The following CHFR variants were observed in gnomAD, a reference collection of about 807,000 sequenced individuals.
CHFR encodes the protein E3 ubiquitin-protein ligase CHFR.
Under a neutral mutation model 87.6 loss-of-function variants are expected in CHFR, and 57 were observed. The ratio of observed to expected loss-of-function variants is 0.65; its 90% CI spans 0.53 to 0.81. CHFR has a LOEUF of 0.81. CHFR is among the 30% of genes least tolerant of loss of function. The probability of loss-of-function intolerance (pLI) is 0.00; values close to 1 mark genes in which losing one functional copy is unlikely to be tolerated. For missense variants in CHFR, 797 were observed against 865.8 expected (o/e 0.92, Z 1.00); for synonymous variants, 381 against 359.2 (o/e 1.06, Z -0.69).
chr12:132,870,823 T>C (rs369102381), intron 4 of CHFR, 40 bp from the exon 5 acceptor site: 2 of 1,322,284 alleles, frequency 1.5e-6, no homozygotes, highest in African/African-American at 1.4e-5. Context: ...TGGTGGCCCC[T>C]GTGCAAACTG....
At position 132,882,739 on chromosome 12, in the gene CHFR, G is replaced by A. The variant is rs1015561947; in HGVS notation, c.133+4457C>T. ...TTTTTTCTTTGAGACAAGGCCTTGCGCTGTTACCCCAGCTGTGGTGCAGTG... is the reference window on the plus strand; with the variant it reads ...TTTTTTCTTTGAGACAAGGCCTTGCACTGTTACCCCAGCTGTGGTGCAGTG... On this transcript the variant is annotated intron_variant, in intron 2 of 17. Transcript: ENST00000450056. 1.4e-4 allele frequency among the ~76,000 whole-genome samples: 21 copies of A among 151,344 alleles called. 1 individual carries two copies. The South Asian group carries it at 3.1e-3, about 23-fold the overall frequency.
intron 15 of CHFR, among the ~76,000 whole-genome samples, chr12:132,844,579 C>T (rs919336435): frequency 1.3e-5 from 2 of 151,480 alleles, no homozygotes; most frequent in Admixed American, 6.6e-5. Context: ...CCACTGCGCC[C>T]GGCCACCAAT....
chr12:132,841,731 G>A (rs946956377), intron 17 of CHFR, 135 bp from the exon 18 acceptor site: 5 of 758,842 alleles, frequency 6.6e-6, no homozygotes, highest in Non-Finnish European at 1.2e-5. Context: ...ACCTGAGAAA[G>A]AGTGTGTGTG....
chr12:132,858,910 T>C (rs895279447), intron 8 of CHFR, among the ~76,000 whole-genome samples, 158 bp downstream of exon 8: 8 of 151,474 alleles, frequency 5.3e-5, no homozygotes, highest in African/African-American at 1.7e-4. Flanking sequence ...CTCCACCCAC[T>C]CCACCCACTC....
intron 13 of CHFR, 67 bp from the exon 14 acceptor site, chr12:132,848,222 C>A: frequency 6.2e-7 from 1 of 1,610,320 alleles, no homozygotes; most frequent in South Asian, 1.1e-5. Context: ...GTCTGCCCGA[C>A]ACTGAGGATA....
At position 132,872,407 on chromosome 12, in the gene CHFR, A is replaced by T; in HGVS notation, c.234-13T>A. 6.3e-7 allele frequency: 1 copy of T among 1,580,472 alleles called. No homozygotes were observed. Among genetic ancestry groups the T allele is most frequent in the Non-Finnish European group, 8.7e-7 (1 of 1,150,752 alleles). ...TGTTCCACTGGTGCTGTAAAAAAACAAAAACACAATTTATTCTACTTAAAA... is the reference window on the plus strand; with the variant it reads ...TGTTCCACTGGTGCTGTAAAAAAACTAAAACACAATTTATTCTACTTAAAA... On this transcript the variant is annotated splice_polypyrimidine_tract_variant and intron_variant, in intron 3 of 17. Coordinates refer to ENST00000450056, the MANE Select transcript of CHFR (RefSeq NM_001161346.2).
intron 17 of CHFR, among the ~76,000 whole-genome samples, chr12:132,842,477 C>G (rs1950723090): frequency 6.6e-6 from 1 of 152,244 alleles, no homozygotes; most frequent in Non-Finnish European, 1.5e-5. Flanking sequence ...GGCACTGTCT[C>G]CATCACTTTA....
intron 17 of CHFR, 29 bp downstream of exon 17, chr12:132,842,982 C>A: frequency 6.3e-7 from 1 of 1,587,226 alleles, no homozygotes; most frequent in Non-Finnish European, 8.6e-7. Context: ...CACTCTGTAG[C>A]TGACGCCTGT....
chr12:132,842,696 C>G (rs939284556), intron 17 of CHFR, among the ~76,000 whole-genome samples: 1 of 152,226 alleles, frequency 6.6e-6, no homozygotes, highest in African/African-American at 2.4e-5. Flanking sequence ...CAGCGCTTTG[C>G]GAGGGGGGCC....
rs533347982 is a variant in CHFR, at chr12:132,839,123, A to G, written c.*2431T>C. 1 of 152,542 alleles carries G rather than the reference A, an allele frequency of 6.6e-6. No homozygotes were observed. Among genetic ancestry groups the G allele is most frequent in the Admixed American group, 6.5e-5 (1 of 15,302 alleles). 9.4% of individuals were successfully genotyped at this position (152,542 alleles called of 1,614,324 possible). On this transcript the variant is annotated 3_prime_UTR_variant, in exon 18 of 18. Transcript: ENST00000450056. Reference sequence around the variant, plus strand: ...TCCTGGACAGGTGCAGCTGGTCCTGAGGAAAGACCAGCATCCTCTACAGGG... The same window carrying G: ...TCCTGGACAGGTGCAGCTGGTCCTGGGGAAAGACCAGCATCCTCTACAGGG...
In CHFR at chr12:132,887,168, GCCCCCGGCC is replaced by G; in HGVS notation, c.133+19_133+27del. 1 of 1,454,268 alleles carries G rather than the reference GCCCCCGGCC, an allele frequency of 6.9e-7. No homozygotes were observed. The highest frequency in any genetic ancestry group is 9.0e-7 in the Non-Finnish European group (1 of 1,107,838). The allele number at this position is 1,454,268 out of a possible 1,614,324, so 90.1% of individuals were successfully genotyped here. On this transcript the variant is annotated intron_variant, in intron 2 of 17. Transcript: ENST00000450056. ...AACCCGGTGGCTCTGCCCGGCCCCG[GCCCCCGGCC>G]CCGGCCTCAGCCCCGCACCTCGTCT...
At chr12:132,884,085 A>C (rs886116270) in intron 2 of CHFR, among the ~76,000 whole-genome samples, 2 of 152,114 alleles carry the variant, frequency 1.3e-5, no homozygotes, top group African/African-American at 4.8e-5. Context: ...GCACCACTGC[A>C]CTCCAGCCTG....
In CHFR at chr12:132,862,353, G is replaced by T. The variant is rs1224174923; in HGVS notation, c.584-719C>A. The T allele has an allele frequency of 7.2e-6, 3 of 415,076 alleles. No individual in the cohort carries two copies. The Admixed American group carries it at 8.4e-5, about 12-fold the overall frequency. The allele number at this position is 415,076 out of a possible 1,614,324, so 25.7% of individuals were successfully genotyped here. A position where few individuals can be genotyped will look rare whatever the true frequency, so the allele number is the denominator to read the frequency against. On this transcript the variant is annotated intron_variant, in intron 6 of 17. Transcript: ENST00000450056. ...CACACCTGTAATCACAATACTTTGGGAGGCCAAGGTGGGAGGATCACTTGA... is the reference window on the plus strand; with the variant it reads ...CACACCTGTAATCACAATACTTTGGTAGGCCAAGGTGGGAGGATCACTTGA...
intron 17 of CHFR, among the ~76,000 whole-genome samples, chr12:132,842,410 C>T (rs570508724): frequency 1.3e-5 from 2 of 152,348 alleles, no homozygotes; most frequent in South Asian, 2.1e-4. Flanking sequence ...TTTTATTCCA[C>T]AAAATCCCTG....
At chr12:132,850,964 C>CATAT (rs55826641) in intron 12 of CHFR, among the ~76,000 whole-genome samples, 2,350 of 135,452 alleles carry the variant, frequency 0.017, 41 homozygotes, top group African/African-American at 0.048. Context: ...TATGTGTGTG[C>CATAT]ATATATATAT....
At chr12:132,884,963 C>T (rs1307979203) in intron 2 of CHFR, among the ~76,000 whole-genome samples, 2 of 151,704 alleles carry the variant, frequency 1.3e-5, no homozygotes, top group Non-Finnish European at 2.9e-5. Context: ...TGGTACGTGC[C>T]TGTAGTCCCA....
chr12:132,886,550 G>T (rs1372926497), intron 2 of CHFR, among the ~76,000 whole-genome samples: 3 of 152,110 alleles, frequency 2.0e-5, no homozygotes, highest in Non-Finnish European at 4.4e-5. Context: ...ACAACCAGAT[G>T]GTCACTTGGG....
At position 132,841,457 on chromosome 12, in the gene CHFR, G is replaced by A; in HGVS notation, c.*97C>T. The A allele has an allele frequency of 9.2e-7, 1 of 1,084,042 alleles. No individual in the cohort carries two copies. Among genetic ancestry groups the A allele is most frequent in the South Asian group, 1.2e-5 (1 of 80,144 alleles). The allele number at this position is 1,084,042 out of a possible 1,614,324, so 67.2% of individuals were successfully genotyped here. Reference sequence around the variant, plus strand: ...CGGAGACCCTGCGTCCCTTCCCTCAGGGGGCTGTGAAAACACCTTGACGTG... The same window carrying A: ...CGGAGACCCTGCGTCCCTTCCCTCAAGGGGCTGTGAAAACACCTTGACGTG... On this transcript the variant is annotated 3_prime_UTR_variant, in exon 18 of 18. Transcript: ENST00000450056.
chr12:132,855,652 C>T (rs886984542), intron 10 of CHFR, among the ~76,000 whole-genome samples: 4 of 151,110 alleles, frequency 2.6e-5, no homozygotes, highest in South Asian at 4.2e-4. Context: ...GGCAGCAGAG[C>T]GACACTCCAT....
Sources: gnomAD v4.1 joint callset for allele counts (sites outside exome capture counted in the v4.1 genomes callset) on GRCh38, gnomAD v4.1.1 for gene constraint, MANE v1.5 for transcripts, NCBI Gene and HGNC (gene_info 2026-07-23, HGNC 2026-07-21) for gene names.